Variants in AKAP7 observed in about 807,000 individuals in gnomAD.
AKAP7 encodes A-kinase anchoring protein 7, also known as A kinase (PRKA) anchor protein 7.
In AKAP7, 39 loss-of-function variants were observed where a neutral mutation model predicts 39.5. The observed-to-expected ratio is 0.99, with a 90% CI of 0.76 to 1.29. The LOEUF is 1.29. Among genes scored for constraint, AKAP7 ranks in the 50% most tolerant of loss-of-function variants. The probability of loss-of-function intolerance (pLI) is 0.00; values close to 1 mark genes in which losing one functional copy is unlikely to be tolerated. For missense variants in AKAP7, 414 were observed against 407.7 expected, an observed-to-expected ratio of 1.02 and a Z score of -0.13; for synonymous variants, 140 against 139.1, an observed-to-expected ratio of 1.01 and a Z score of -0.05.
chr6:131,269,823 A>G (rs908452387), intron 7 of AKAP7, among the ~76,000 whole-genome samples: 5 of 152,214 alleles, frequency 3.3e-5, no homozygotes, highest in Admixed American at 6.5e-5. Context: ...TATTATTCCT[A>G]TTTTGGTATG....
chr6:131,174,904 G>A (rs1804426469), intron 5 of AKAP7, among the ~76,000 whole-genome samples: 1 of 144,494 alleles, frequency 6.9e-6, no homozygotes. Flanking sequence ...GGGGATTGGT[G>A]CCCAGAACCC....
intron 5 of AKAP7, among the ~76,000 whole-genome samples, chr6:131,180,049 C>T (rs2128254000): frequency 6.6e-6 from 1 of 152,174 alleles, no homozygotes; most frequent in East Asian, 1.9e-4. Context: ...GCTCAGTTTT[C>T]CTCATGTCTG....
intron 2 of AKAP7, among the ~76,000 whole-genome samples, chr6:131,151,660 C>A (rs537012575): frequency 6.6e-6 from 1 of 151,964 alleles, no homozygotes; most frequent in African/African-American, 2.4e-5. Context: ...GCAGGAGAAT[C>A]GCTTGAACCT....
At chr6:131,261,517 TA>T (rs1422199777) in intron 7 of AKAP7, among the ~76,000 whole-genome samples, 3 of 152,160 alleles carry the variant, frequency 2.0e-5, no homozygotes, top group Non-Finnish European at 4.4e-5. Flanking sequence ...AAATTTAACA[TA>T]AAAATTCATT....
intron 7 of AKAP7, chr6:131,250,385 C>T (rs80124499): frequency 3.3e-5 from 47 of 1,434,198 alleles, no homozygotes; most frequent in East Asian, 3.0e-4. Context: ...TTTTTGCTCA[C>T]GGCAGCAAGT....
At chr6:131,275,162 G>A (rs987543373) in intron 7 of AKAP7, among the ~76,000 whole-genome samples, 1 of 152,150 alleles carries the variant, frequency 6.6e-6, no homozygotes, top group Non-Finnish European at 1.5e-5. Context: ...CATTTAGCAG[G>A]TATTGGGCAT....
chr6:131,240,256 G>A (rs145974653), intron 7 of AKAP7, among the ~76,000 whole-genome samples: 1 of 152,252 alleles, frequency 6.6e-6, no homozygotes, highest in East Asian at 1.9e-4. Flanking sequence ...CTGTGTGATC[G>A]TTCCTCTGGA....
intron 2 of AKAP7, among the ~76,000 whole-genome samples, chr6:131,152,865 A>G (rs1351241374): frequency 6.7e-6 from 1 of 148,818 alleles, no homozygotes; most frequent in African/African-American, 2.5e-5. Flanking sequence ...GCGCTGGCTC[A>G]CGCCGGTAAT....
chr6:131,263,847 C>T (rs1217510681), intron 7 of AKAP7, among the ~76,000 whole-genome samples: 1 of 152,114 alleles, frequency 6.6e-6, no homozygotes, highest in African/African-American at 2.4e-5. Flanking sequence ...ATGGAGTAGC[C>T]ACTCTGATCC....
At chr6:131,268,743 T>C (rs1373371570) in intron 7 of AKAP7, among the ~76,000 whole-genome samples, 1 of 152,200 alleles carries the variant, frequency 6.6e-6, no homozygotes, top group African/African-American at 2.4e-5. Context: ...AAGAAAAGTC[T>C]GTATTCTCAT....
At chr6:131,170,939 G>A (rs945749992) in intron 5 of AKAP7, among the ~76,000 whole-genome samples, 4 of 152,132 alleles carry the variant, frequency 2.6e-5, no homozygotes, top group East Asian at 1.9e-4. Context: ...CTTGAAATAC[G>A]TTTTACATAA....
At chr6:131,231,883 AG>A (rs1810653484) in intron 7 of AKAP7, among the ~76,000 whole-genome samples, 1 of 152,226 alleles carries the variant, frequency 6.6e-6, no homozygotes, top group Non-Finnish European at 1.5e-5. Flanking sequence ...CCTTCTAAAA[AG>A]AAAATGTTTA....
intron 5 of AKAP7, among the ~76,000 whole-genome samples, chr6:131,185,873 C>G (rs1805796029): frequency 6.6e-6 from 1 of 152,210 alleles, no homozygotes; most frequent in Non-Finnish European, 1.5e-5. Context: ...TGGTGTCACA[C>G]TCAAGAAATC....
intron 5 of AKAP7, chr6:131,185,351 G>A: frequency 1.9e-6 from 1 of 526,256 alleles, no homozygotes; most frequent in South Asian, 1.7e-5. Flanking sequence ...GGCTACTCCA[G>A]TCTGTGAGGC....
chr6:131,260,977 A>C (rs1813268422), intron 7 of AKAP7, among the ~76,000 whole-genome samples: 1 of 152,094 alleles, frequency 6.6e-6, no homozygotes, highest in Non-Finnish European at 1.5e-5. Flanking sequence ...TGGGTGGATC[A>C]CCTGAGGTTG....
At chr6:131,272,949 G>T (rs998302460) in intron 7 of AKAP7, among the ~76,000 whole-genome samples, 3 of 152,128 alleles carry the variant, frequency 2.0e-5, no homozygotes, top group African/African-American at 2.4e-5. Flanking sequence ...ATCTCAAACT[G>T]TAATTGTGTA....
chr6:131,217,043 T>G (rs1364057552), intron 6 of AKAP7, among the ~76,000 whole-genome samples: 2 of 152,190 alleles, frequency 1.3e-5, no homozygotes, highest in African/African-American at 4.8e-5. Context: ...CATTGATAGT[T>G]AAGTAATAGT....
At chr6:131,136,906 C>A in intron 1 of AKAP7, 1 of 980,208 alleles carries the variant, frequency 1.0e-6, no homozygotes, top group Non-Finnish European at 1.2e-6. Flanking sequence ...TTAGCCCTTT[C>A]CAGTTGTTCT....
chr6:131,253,415 C>A (rs1812599869), intron 7 of AKAP7, among the ~76,000 whole-genome samples: 1 of 152,098 alleles, frequency 6.6e-6, no homozygotes, highest in Non-Finnish European at 1.5e-5. Context: ...CAAATCAGGG[C>A]AATTAGGATA....
Sources: gnomAD v4.1 joint callset for allele counts (sites outside exome capture counted in the v4.1 genomes callset) on GRCh38, gnomAD v4.1.1 for gene constraint, MANE v1.5 for transcripts, NCBI Gene and HGNC (gene_info 2026-07-23, HGNC 2026-07-21) for gene names.